The following PDZD2 variants were observed in gnomAD, a reference collection of about 807,000 sequenced individuals.
PDZD2 encodes PDZ domain containing 2.
PDZD2 carries 90 observed loss-of-function variants against 220.7 expected under a neutral mutation model. The ratio of observed to expected loss-of-function variants is 0.41; its 90% CI spans 0.34 to 0.49. The LOEUF is 0.49. Among genes scored for constraint, PDZD2 ranks in the 20% least tolerant of loss-of-function variants. PDZD2 has a pLI of 0.28. For missense variants in PDZD2, 3,174 were observed against 3,608.5 expected, an observed-to-expected ratio of 0.88 and a Z score of 3.08; for synonymous variants, 1,375 against 1,450.5, an observed-to-expected ratio of 0.95 and a Z score of 1.18.
intron 6 of PDZD2, among the ~76,000 whole-genome samples, chr5:32,018,674 C>T (rs1025194780): frequency 6.6e-6 from 1 of 152,252 alleles, no homozygotes; most frequent in African/African-American, 2.4e-5. Context: ...ATTTTCTCCC[C>T]ACTGTCCCAA....
intron 2 of PDZD2, among the ~76,000 whole-genome samples, chr5:31,976,677 G>GTT (rs140085634): frequency 2.8e-5 from 4 of 141,838 alleles, no homozygotes; most frequent in Non-Finnish European, 6.2e-5. Flanking sequence ...AAGTTACTTT[G>GTT]TTTTTTTGTT....
intron 2 of PDZD2, chr5:31,855,074 C>T (rs1758319633): frequency 2.0e-6 from 2 of 985,288 alleles, no homozygotes. Flanking sequence ...CGGAGACCGG[C>T]CTGGCGAGCG....
intron 2 of PDZD2, among the ~76,000 whole-genome samples, chr5:31,826,311 C>A (rs578056405): frequency 1.3e-5 from 2 of 152,238 alleles, no homozygotes; most frequent in East Asian, 3.9e-4. Context: ...AGGCTCCAAA[C>A]CTTTTCAGGT....
intron 2 of PDZD2, among the ~76,000 whole-genome samples, chr5:31,811,861 G>C (rs931332526): frequency 6.6e-6 from 1 of 151,928 alleles, no homozygotes; most frequent in East Asian, 1.9e-4. Flanking sequence ...GTGGTGGTGC[G>C]TGCCTGTAAT....
chr5:31,648,675 CTT>C (rs553089526), intron 1 of PDZD2, among the ~76,000 whole-genome samples: 3 of 145,230 alleles, frequency 2.1e-5, no homozygotes, highest in African/African-American at 5.0e-5. Flanking sequence ...TTTTTTAAGA[CTT>C]TTTTTTTTTT....
intron 2 of PDZD2, among the ~76,000 whole-genome samples, chr5:31,964,491 TTTG>T (rs1408494381): frequency 2.0e-5 from 3 of 152,188 alleles, no homozygotes; most frequent in Non-Finnish European, 2.9e-5. Context: ...GGGGCCTTTT[TTTG>T]TTGTTTTTTT....
chr5:32,003,927 GT>G (rs1461129435), intron 5 of PDZD2, among the ~76,000 whole-genome samples: 1 of 152,100 alleles, frequency 6.6e-6, no homozygotes, highest in Non-Finnish European at 1.5e-5. Context: ...GGCCAGGCTG[GT>G]CTTAAACTCC....
chr5:31,767,357 G>A (rs1752089740), intron 1 of PDZD2, among the ~76,000 whole-genome samples: 3 of 152,166 alleles, frequency 2.0e-5, no homozygotes, highest in Non-Finnish European at 2.9e-5. Context: ...AACCATACAG[G>A]ACTTCTCAGA....
intron 1 of PDZD2, among the ~76,000 whole-genome samples, chr5:31,749,371 G>C (rs73056579): frequency 2.6e-5 from 4 of 151,814 alleles, no homozygotes; most frequent in Non-Finnish European, 4.4e-5. Flanking sequence ...TGGGGTAGAC[G>C]TCTGTCTCCA....
chr5:32,041,998 G>A (rs1182134283), intron 7 of PDZD2, among the ~76,000 whole-genome samples: 1 of 122,324 alleles, frequency 8.2e-6, no homozygotes, highest in African/African-American at 3.0e-5. Flanking sequence ...GGCGGCTCAC[G>A]AGGTCAGGAG....
chr5:31,709,390 G>A (rs1747980451), intron 1 of PDZD2, among the ~76,000 whole-genome samples: 1 of 151,952 alleles, frequency 6.6e-6, no homozygotes, highest in African/African-American at 2.4e-5. Flanking sequence ...TGGAGGCTGA[G>A]GCAGGAGGAT....
intron 1 of PDZD2, among the ~76,000 whole-genome samples, chr5:31,737,287 C>T (rs1749941276): frequency 6.6e-6 from 1 of 150,530 alleles, no homozygotes; most frequent in East Asian, 2.0e-4. Flanking sequence ...ATTCTCCTGC[C>T]TCAGCCTCCT....
At chr5:31,651,994 ATT>A (rs10676854) in intron 1 of PDZD2, among the ~76,000 whole-genome samples, 1 of 130,320 alleles carries the variant, frequency 7.7e-6, no homozygotes. Flanking sequence ...TAATTTTTGT[ATT>A]TTTTTTTTTT....
chr5:31,714,812 A>G (rs1465765314), intron 1 of PDZD2, among the ~76,000 whole-genome samples: 2 of 152,084 alleles, frequency 1.3e-5, no homozygotes, highest in African/African-American at 2.4e-5. Flanking sequence ...TAATCCTAGT[A>G]CTTTGGGAGG....
At chr5:31,707,095 T>C (rs143086141) in intron 1 of PDZD2, among the ~76,000 whole-genome samples, 1 of 135,984 alleles carries the variant, frequency 7.4e-6, no homozygotes, top group African/African-American at 2.8e-5. Context: ...TAGGTGGGAA[T>C]TGAACAATGA....
intron 2 of PDZD2, among the ~76,000 whole-genome samples, chr5:31,842,713 T>C (rs951831472): frequency 3.9e-5 from 6 of 152,188 alleles, no homozygotes; most frequent in Admixed American, 6.6e-5. Context: ...GTGATGATAA[T>C]ACTAACAATG....
chr5:31,944,199 A>G (rs1354477085), intron 2 of PDZD2, among the ~76,000 whole-genome samples: 1 of 152,168 alleles, frequency 6.6e-6, no homozygotes, highest in Non-Finnish European at 1.5e-5. Context: ...TTGAAACTTT[A>G]CCAGGTAGCC....
chr5:32,106,876 G>A (rs1396044690), intron 24 of PDZD2, among the ~76,000 whole-genome samples: 2 of 152,200 alleles, frequency 1.3e-5, no homozygotes, highest in African/African-American at 4.8e-5. Flanking sequence ...GCTGATATTG[G>A]TGAGGTCTCT....
chr5:31,777,554 A>G (rs1230291841), intron 1 of PDZD2, among the ~76,000 whole-genome samples: 2 of 152,268 alleles, frequency 1.3e-5, no homozygotes, highest in East Asian at 3.9e-4. Context: ...CCCACGCGGG[A>G]TCCACTAGAT....
Sources: gnomAD v4.1 joint callset for allele counts (sites outside exome capture counted in the v4.1 genomes callset) on GRCh38, gnomAD v4.1.1 for gene constraint, MANE v1.5 for transcripts, NCBI Gene and HGNC (gene_info 2026-07-23, HGNC 2026-07-21) for gene names.